BLM: variants seen among roughly 807,000 people sequenced by gnomAD.
BLM encodes recQ-like DNA helicase BLM.
A neutral mutation model predicts 135.3 loss-of-function variants in BLM; 95 were observed. The ratio of observed to expected loss-of-function variants is 0.70; its 90% CI spans 0.59 to 0.83. The LOEUF (loss-of-function observed/expected upper bound fraction) is 0.83, where lower values mean the gene tolerates loss of function less well. Among genes scored for constraint, BLM ranks in the 40% least tolerant of loss-of-function variants. The pLI is 0.00. For synonymous variants in BLM, 520 were observed against 589.2 expected, an observed-to-expected ratio of 0.88 and a Z score of 1.70; for missense variants, 1,518 against 1,663.9, an observed-to-expected ratio of 0.91 and a Z score of 1.53.
chr15:90,774,807 CA>C (rs530219766), intron 12 of BLM, among the ~76,000 whole-genome samples: 36,912 of 114,224 alleles, frequency 0.32, 4,589 homozygotes, highest in Non-Finnish European at 0.36. Context: ...ACACTCCAGC[CA>C]AAAAAAAAAA....
chr15:90,734,715 AG>A (rs1895164407), intron 1 of BLM, among the ~76,000 whole-genome samples: 1 of 151,880 alleles, frequency 6.6e-6, no homozygotes, highest in African/African-American at 2.4e-5. Context: ...AGAGAGAGAG[AG>A]AGAGAGAGAG....
chr15:90,815,317 T>C lies in BLM; in HGVS notation c.*38T>C. ...AATGTACATAGACCCTCTTTCTTGT[T>C]TGTCAGCATCTGACCATCTGTGACT... On this transcript the variant is annotated 3_prime_UTR_variant, in exon 22 of 22. Coordinates refer to ENST00000355112, the MANE Select transcript of BLM (RefSeq NM_000057.4). The surrounding 1 kb of genome is among the most constrained non-coding windows in gnomAD (Gnocchi z 4.6). 1 of 1,600,298 alleles carries C rather than the reference T, an allele frequency of 6.2e-7. No individual in the cohort carries two copies. Among genetic ancestry groups the C allele is most frequent in the Non-Finnish European group, 8.6e-7 (1 of 1,167,552 alleles).
chr15:90,742,702 ATG>A (rs1895398868), intron 1 of BLM, among the ~76,000 whole-genome samples: 6 of 151,434 alleles, frequency 4.0e-5, no homozygotes, highest in Admixed American at 3.9e-4. Flanking sequence ...TGGGGTGATC[ATG>A]GCTCACTGAA....
intron 1 of BLM, among the ~76,000 whole-genome samples, chr15:90,746,134 C>T (rs114735176): frequency 0.012 from 1,767 of 152,192 alleles, 27 homozygotes; most frequent in African/African-American, 0.039. Flanking sequence ...GAAGTAATAA[C>T]AGAATCGAAA....
intron 14 of BLM, among the ~76,000 whole-genome samples, chr15:90,787,142 C>T (rs2532108): frequency 7.2e-6 from 1 of 139,580 alleles, no homozygotes; most frequent in Non-Finnish European, 1.5e-5. Flanking sequence ...CTCCGCCTCT[C>T]GGGTTCACGC....
chr15:90,794,409 T>G, intron 16 of BLM, 52 bp downstream of exon 16: 1 of 1,377,410 alleles, frequency 7.3e-7, no homozygotes, highest in Non-Finnish European at 9.8e-7. Flanking sequence ...TTTCTCTTAC[T>G]TTAAAAATGT....
intron 1 of BLM, among the ~76,000 whole-genome samples, chr15:90,725,498 CTT>C (rs1231870457): frequency 5.6e-5 from 8 of 142,114 alleles, no homozygotes; most frequent in East Asian, 2.0e-4. Context: ...TTTACAGTCC[CTT>C]TTTTTTTTTT....
At chr15:90,797,379 G>A (rs948671631) in intron 16 of BLM, among the ~76,000 whole-genome samples, 3 of 134,984 alleles carry the variant, frequency 2.2e-5, no homozygotes, top group East Asian at 4.1e-4. Context: ...TTGCGCCATC[G>A]CACTCCAGCC....
intron 12 of BLM, among the ~76,000 whole-genome samples, chr15:90,776,976 T>A (rs964403550): frequency 5.3e-5 from 8 of 150,698 alleles, no homozygotes; most frequent in African/African-American, 1.7e-4. Flanking sequence ...ACTTCTTTTC[T>A]TTGTGGGTTT....
intron 10 of BLM, 63 bp downstream of exon 10, chr15:90,767,086 G>T (rs1896154396): frequency 2.7e-6 from 3 of 1,117,556 alleles, no homozygotes; most frequent in South Asian, 1.6e-5. Flanking sequence ...ATATTTTTAA[G>T]ATTTTAACAA....
intron 4 of BLM, among the ~76,000 whole-genome samples, chr15:90,753,788 A>T (rs1895748639): frequency 6.6e-6 from 1 of 152,236 alleles, no homozygotes. Context: ...AAACCTCTGT[A>T]GCTGGCCCTC....
chr15:90,741,263 A>G (rs1895357161), intron 1 of BLM, among the ~76,000 whole-genome samples: 1 of 152,236 alleles, frequency 6.6e-6, no homozygotes, highest in African/African-American at 2.4e-5. Flanking sequence ...GTTAATTTCT[A>G]TCAGCACATC....
At chr15:90,731,000 C>T (rs1042811230) in intron 1 of BLM, among the ~76,000 whole-genome samples, 5 of 152,040 alleles carry the variant, frequency 3.3e-5, no homozygotes, top group Non-Finnish European at 5.9e-5. Flanking sequence ...GGCTGGAGTG[C>T]AGTGGTGTGA....
At chr15:90,756,767 T>G (rs1464627094) in intron 5 of BLM, among the ~76,000 whole-genome samples, 1 of 152,248 alleles carries the variant, frequency 6.6e-6, no homozygotes, top group Non-Finnish European at 1.5e-5. Context: ...CTTGACTATG[T>G]GACTCCAAAA....
At position 90,785,542 on chromosome 15, in the gene BLM, CTT is replaced by C. The variant is rs56691722; in HGVS notation, c.2823+476_2823+477del. Among the ~76,000 whole-genome samples, 592 of 137,238 alleles carry C rather than the reference CTT, an allele frequency of 4.3e-3. 1 individual carries two copies. Among genetic ancestry groups the C allele is most frequent in the African/African-American group, 0.015 (562 of 37,344 alleles). 90.0% of individuals were successfully genotyped at this position (137,238 alleles called of 152,430 possible). A position where few individuals can be genotyped will look rare whatever the true frequency, so the allele number is the denominator to read the frequency against. ...ACAGTATGTGGTCTTTGTGACTTTTCTTTTTTTTTTTTTTTTCCGGAGACAGA... is the reference window on the plus strand; with the variant it reads ...ACAGTATGTGGTCTTTGTGACTTTTCTTTTTTTTTTTTTTCCGGAGACAGA... On this transcript the variant is annotated intron_variant, in intron 14 of 21. Coordinates refer to ENST00000355112, the MANE Select transcript of BLM (RefSeq NM_000057.4).
intron 12 of BLM, among the ~76,000 whole-genome samples, chr15:90,770,177 C>G (rs57583807): frequency 2.3e-5 from 3 of 128,240 alleles, no homozygotes; most frequent in South Asian, 2.6e-4. Flanking sequence ...TCCCCCCCCC[C>G]TTTTTTTTTT....
intron 1 of BLM, among the ~76,000 whole-genome samples, chr15:90,719,943 C>G (rs2151124412): frequency 6.6e-6 from 1 of 152,256 alleles, no homozygotes; most frequent in South Asian, 2.1e-4. Flanking sequence ...ACATACTATT[C>G]TACCTCAGCC....
rs983290987 is a variant in BLM, at chr15:90,765,483, T to G, written c.2193+69T>G. On this transcript the variant is annotated intron_variant, in intron 9 of 21. Coordinates refer to ENST00000355112, the MANE Select transcript of BLM (RefSeq NM_000057.4). ...TAAATTTCAGTCCTCTGGATAACCTTTTTATTAAATAGTTCGTGATTTGTA... is the reference window on the plus strand; with the variant it reads ...TAAATTTCAGTCCTCTGGATAACCTGTTTATTAAATAGTTCGTGATTTGTA... 4 of 1,205,026 alleles carry G rather than the reference T, an allele frequency of 3.3e-6. No individual in the cohort carries two copies. In the African/African-American group the frequency reaches 6.0e-5, roughly 18 times the overall value. The allele number at this position is 1,205,026 out of a possible 1,614,324, so 74.6% of individuals were successfully genotyped here.
intron 21 of BLM, 126 bp downstream of exon 21, chr15:90,811,532 C>T (rs1897421654): frequency 2.8e-6 from 3 of 1,082,306 alleles, no homozygotes; most frequent in Admixed American, 4.2e-5. Flanking sequence ...AATGGAATGA[C>T]AGTTGTTAAT....
Sources: gnomAD v4.1 joint callset for allele counts (sites outside exome capture counted in the v4.1 genomes callset) on GRCh38, gnomAD v4.1.1 for gene constraint, Gnocchi (gnomAD v3.1) non-coding constraint, MANE v1.5 for transcripts, NCBI Gene and HGNC (gene_info 2026-07-23, HGNC 2026-07-21) for gene names.